The following FRAS1 variants were observed in gnomAD, a reference collection of about 807,000 sequenced individuals.
FRAS1 encodes the protein Fraser extracellular matrix complex subunit 1, also known as extracellular matrix organizing protein FRAS1.
Under a neutral mutation model 435.2 loss-of-function variants are expected in FRAS1, and 290 were observed. That is an observed-to-expected ratio of 0.67 (90% CI 0.61 to 0.73). The LOEUF is 0.73. Among genes scored for constraint, FRAS1 ranks in the 30% least tolerant of loss-of-function variants. The pLI is 0.00. For missense variants in FRAS1, 4,860 were observed against 5,001.5 expected (o/e 0.97, Z 0.85); for synonymous variants, 1,800 against 1,851.0 (o/e 0.97, Z 0.71).
intron 14 of FRAS1, among the ~76,000 whole-genome samples, chr4:78,290,813 T>C (rs2110193648): frequency 6.6e-6 from 1 of 151,114 alleles, no homozygotes; most frequent in East Asian, 1.9e-4. Flanking sequence ...CTTTTTTTTT[T>C]TTTTTTTTTA....
At chr4:78,198,402 CT>C (rs1454742666) in intron 2 of FRAS1, among the ~76,000 whole-genome samples, 1 of 145,880 alleles carries the variant, frequency 6.9e-6, no homozygotes, top group South Asian at 2.2e-4. Flanking sequence ...TCATTCTTCT[CT>C]TCCACTTACT....
chr4:78,359,586 G>A (rs1401252557), intron 20 of FRAS1, among the ~76,000 whole-genome samples: 1 of 152,082 alleles, frequency 6.6e-6, no homozygotes, highest in Non-Finnish European at 1.5e-5. Context: ...TTGCATGAGT[G>A]GATTAACATG....
Position 78,543,769 on chromosome 4 carries a change from T to C in FRAS1, c.*2645T>C, listed in dbSNP as rs1411107672. 1 of 152,248 alleles carries C rather than the reference T, an allele frequency of 6.6e-6. No homozygotes were observed. Among genetic ancestry groups the C allele is most frequent in the Non-Finnish European group, 1.5e-5 (1 of 68,038 alleles). 9.4% of individuals were successfully genotyped at this position (152,248 alleles called of 1,614,324 possible). On this transcript the variant is annotated 3_prime_UTR_variant, in exon 74 of 74. Coordinates refer to ENST00000512123, the MANE Select transcript of FRAS1 (RefSeq NM_025074.7). ...AAGTAATTTGATGACTAATGTGGAT[T>C]ATATTTCAGTCAAAGCTCTGCTTTC...
intron 2 of FRAS1, among the ~76,000 whole-genome samples, chr4:78,124,333 G>A (rs886514374): frequency 2.0e-5 from 3 of 152,126 alleles, no homozygotes; most frequent in East Asian, 1.9e-4. Context: ...CAACTTGATC[G>A]TGGTGGATAA....
intron 38 of FRAS1, among the ~76,000 whole-genome samples, chr4:78,434,116 T>C (rs1320683342): frequency 6.6e-6 from 1 of 152,150 alleles, no homozygotes; most frequent in African/African-American, 2.4e-5. Context: ...TCAGTGAACA[T>C]GTAGAAAGAT....
At chr4:78,537,263 G>T in intron 72 of FRAS1, 63 bp downstream of exon 72, 1 of 1,449,176 alleles carries the variant, frequency 6.9e-7, no homozygotes, top group South Asian at 1.2e-5. Flanking sequence ...CCTCAGCTAT[G>T]ACTTCTGCCT....
At chr4:78,287,080 C>A (rs1232046817) in intron 14 of FRAS1, among the ~76,000 whole-genome samples, 5 of 151,906 alleles carry the variant, frequency 3.3e-5, no homozygotes, top group Non-Finnish European at 7.4e-5. Flanking sequence ...GCTGGAGAGG[C>A]CTCAGGAAAC....
intron 27 of FRAS1, among the ~76,000 whole-genome samples, chr4:78,381,703 G>A (rs7679527): frequency 0.63 from 96,337 of 152,046 alleles, 30,650 homozygotes; most frequent in African/African-American, 0.66. Flanking sequence ...GTAGACAACC[G>A]AGATCAACCC....
At position 78,519,406 on chromosome 4, in the gene FRAS1, A is replaced by G. The variant is rs1721314775; in HGVS notation, c.10465A>G (p.Arg3489Gly). The G allele has an allele frequency of 6.2e-7, 1 of 1,611,226 alleles. No individual in the cohort carries two copies. Among genetic ancestry groups the G allele is most frequent in the Non-Finnish European group, 8.5e-7 (1 of 1,178,866 alleles). Residue 3489 changes from arginine (R) to glycine (G), a missense_variant, in exon 67 of 74, where the codon AGG becomes GGG. Arg to Gly is a moderately radical substitution (Grantham distance 125). Coordinates refer to ENST00000512123, the MANE Select transcript of FRAS1 (RefSeq NM_025074.7). ...YVSYIYVTAP[R>G]GWASLEHHTE... ...GTCCTACATCTATGTGACAGCCCCCAGGGGCTGGGCCTCCTTGGAGCACCA... is the reference window on the plus strand; with the variant it reads ...GTCCTACATCTATGTGACAGCCCCCGGGGGCTGGGCCTCCTTGGAGCACCA...
intron 61 of FRAS1, among the ~76,000 whole-genome samples, chr4:78,501,029 C>T (rs890669938): frequency 2.0e-5 from 3 of 152,218 alleles, no homozygotes; most frequent in African/African-American, 4.8e-5. Context: ...AGGTTTGTTA[C>T]ATAGGTATGC....
rs764199448 is a variant in FRAS1, at chr4:78,482,384, C to G, written c.8605-4C>G. ...TGTCAAGTTTGCTTTGGTTTCTCTT[C>G]TAGTATTGCACCTTGACTATCTTGG... On this transcript the variant is annotated splice_region_variant and splice_polypyrimidine_tract_variant and intron_variant, in intron 57 of 73. Transcript: ENST00000512123. 9 of 1,613,724 alleles carry G rather than the reference C, an allele frequency of 5.6e-6. No homozygotes were observed. The highest frequency in any genetic ancestry group is 7.6e-6 in the Non-Finnish European group (9 of 1,179,776).
intron 70 of FRAS1, among the ~76,000 whole-genome samples, chr4:78,533,886 G>C (rs1207185715): frequency 6.6e-6 from 1 of 152,154 alleles, no homozygotes; most frequent in African/African-American, 2.4e-5. Flanking sequence ...GATCATCTTG[G>C]GTGAAGTTAT....
chr4:78,193,223 G>A (rs1722632380), intron 2 of FRAS1, among the ~76,000 whole-genome samples: 2 of 152,204 alleles, frequency 1.3e-5, no homozygotes, highest in African/African-American at 2.4e-5. Context: ...TAGGTGTGGT[G>A]TGGTGCTGAA....
At chr4:78,260,913 T>C (rs954019332) in intron 6 of FRAS1, among the ~76,000 whole-genome samples, 2 of 152,204 alleles carry the variant, frequency 1.3e-5, no homozygotes, top group African/African-American at 2.4e-5. Flanking sequence ...TATTTTTGTC[T>C]GGAATATTAT....
At chr4:78,284,684 G>A (rs1958276) in intron 13 of FRAS1, 136 bp downstream of exon 13, 245,496 of 728,706 alleles carry the variant, frequency 0.34, 45,180 homozygotes, top group South Asian at 0.58. Flanking sequence ...GATGCACAAC[G>A]TCTAAAAACC....
At chr4:78,179,195 A>G (rs1331179411) in intron 2 of FRAS1, among the ~76,000 whole-genome samples, 1 of 152,244 alleles carries the variant, frequency 6.6e-6, no homozygotes, top group African/African-American at 2.4e-5. Flanking sequence ...GAACCAGAAA[A>G]TGGAATGGAA....
chr4:78,098,511 G>A (rs1741939226), intron 2 of FRAS1, among the ~76,000 whole-genome samples: 1 of 152,122 alleles, frequency 6.6e-6, no homozygotes, highest in Non-Finnish European at 1.5e-5. Flanking sequence ...CTGACCTCAA[G>A]TTATCCATCC....
intron 9 of FRAS1, among the ~76,000 whole-genome samples, chr4:78,272,618 T>C (rs1380065256): frequency 6.6e-6 from 1 of 152,334 alleles, no homozygotes; most frequent in East Asian, 1.9e-4. Context: ...TATCAGATGG[T>C]TGTAGATATG....
chr4:78,402,501 C>T (rs113047813), intron 30 of FRAS1, among the ~76,000 whole-genome samples: 2 of 151,830 alleles, frequency 1.3e-5, no homozygotes, highest in African/African-American at 4.8e-5. Context: ...TAGGTTTCTT[C>T]GAGAAGTTAG....
Sources: allele counts gnomAD v4.1 joint callset (sites outside exome capture counted in the v4.1 genomes callset), GRCh38; gene constraint gnomAD v4.1.1; transcripts MANE v1.5; gene names NCBI Gene and HGNC (gene_info 2026-07-23, HGNC 2026-07-21).